BCAR1: variants seen among roughly 807,000 people sequenced by gnomAD.
BCAR1 encodes BCAR1 scaffold protein, Cas family member, also known as breast cancer anti-estrogen resistance protein 1.
Under a neutral mutation model 67.6 loss-of-function variants are expected in BCAR1, and 30 were observed. The observed-to-expected ratio is 0.44, with a 90% CI of 0.33 to 0.60. The LOEUF is 0.60. Among genes scored for constraint, BCAR1 ranks in the 20% least tolerant of loss-of-function variants. The pLI is 0.02. For synonymous variants in BCAR1, 626 were observed against 556.7 expected, an observed-to-expected ratio of 1.12 and a Z score of -1.75; for missense variants, 1,313 against 1,222.3, an observed-to-expected ratio of 1.07 and a Z score of -1.11.
At chr16:75,259,536 C>T (rs2077851421) in intron 1 of BCAR1, among the ~76,000 whole-genome samples, 1 of 152,178 alleles carries the variant, frequency 6.6e-6, no homozygotes, top group African/African-American at 2.4e-5. Flanking sequence ...ACATCCATTA[C>T]TGGAACATTA....
rs770728069 is a variant in BCAR1 at position 75,251,529 on chromosome 16, G to A, written c.-47C>T. 2.4e-6 allele frequency: 3 copies of A among 1,243,212 alleles called. No individual in the cohort carries two copies. Among genetic ancestry groups the A allele is most frequent in the African/African-American group, 3.2e-5 (2 of 63,448 alleles). 77.0% of individuals were successfully genotyped at this position (1,243,212 alleles called of 1,614,324 possible). On this transcript the variant is annotated 5_prime_UTR_variant, in exon 1 of 7. Transcript: ENST00000162330. The stretch of plus-strand genomic sequence containing the variant: ...CCCGGCTCTCGCGGGGGCGCACACC[G>A]AGCTGCCCGGGCCGCGTGCCCTCGG...
rs763140026 is a variant in BCAR1 at position 75,242,785 on chromosome 16, G to T, written c.318C>A (p.Thr106=). The change falls in exon 2 of 7, where the codon ACC becomes ACA. Residue 106 remains threonine, a synonymous_variant. Transcript: ENST00000162330. ...ASQYTPMLPN[T]YQPQPDSVYL... is the part of the protein sequence containing the mutation. ...AGACGCTGTCTGGCTGGGGCTGGTA[G>T]GTGTTGGGGAGCATGGGCGTGTACT... 6.3e-7 allele frequency: 1 copy of T among 1,598,776 alleles called. No individual in the cohort carries two copies. The highest frequency in any genetic ancestry group is 8.5e-7 in the Non-Finnish European group (1 of 1,172,412).
chr16:75,241,158 G>A (rs901638560), intron 2 of BCAR1, among the ~76,000 whole-genome samples: 1 of 152,230 alleles, frequency 6.6e-6, no homozygotes, highest in African/African-American at 2.4e-5. Context: ...CTGTGTGTGG[G>A]GTGAGTATGC....
At position 75,234,994 on chromosome 16, in the gene BCAR1, T is replaced by A; in HGVS notation, c.1905A>T (p.Arg635=). The change falls in exon 5 of 7, where the codon CGA becomes CGT. Residue 635 remains arginine, a synonymous_variant. Coordinates refer to ENST00000162330, the MANE Select transcript of BCAR1 (RefSeq NM_014567.5). ...PTDKTSSIQS[R]PLPSPPKFTS... ...TGAACTTAGGGGGTGAGGGCAGGGG[T>A]CGTGACTGGATGCTGCTGGTCTTGT... 6.2e-7 allele frequency: 1 copy of A among 1,610,330 alleles called. No individual in the cohort carries two copies. Among genetic ancestry groups the A allele is most frequent in the Non-Finnish European group, 8.5e-7 (1 of 1,177,770 alleles).
chr16:75,235,108 C>A lies in BCAR1; in HGVS notation c.1791G>T (p.Leu597=), dbSNP rs147754824. 1 of 1,611,712 alleles carries A rather than the reference C, an allele frequency of 6.2e-7. No homozygotes were observed. Among genetic ancestry groups the A allele is most frequent in the African/African-American group, 1.3e-5 (1 of 75,064 alleles). The change falls in exon 5 of 7, where the codon CTG becomes CTT. Residue 597 remains leucine (L), a synonymous_variant. Transcript: ENST00000162330. ...PEDAKQLASF[L]HGNASLLFRR... ...TGAAGAGCAGTGAGGCATTGCCGTG[C>A]AGGAAGGAGGCCAGCTGCTTGGCGT...
At chr16:75,261,931 C>T (rs1347908173) in intron 1 of BCAR1, among the ~76,000 whole-genome samples, 3 of 152,232 alleles carry the variant, frequency 2.0e-5, no homozygotes, top group Non-Finnish European at 4.4e-5. Context: ...GCTGCTGTTA[C>T]TTAATCACCC....
At chr16:75,246,761 C>T (rs943596936) in intron 1 of BCAR1, 6 of 152,420 alleles carry the variant, frequency 3.9e-5, no homozygotes, top group Non-Finnish European at 8.8e-5. Context: ...GCAGCCTCCC[C>T]CGGAACCCCT....
chr16:75,234,335 C>T (rs1159296336), intron 5 of BCAR1, among the ~76,000 whole-genome samples: 1 of 152,164 alleles, frequency 6.6e-6, no homozygotes, highest in Non-Finnish European at 1.5e-5. Flanking sequence ...AGAGACTGGG[C>T]AGAGGGTGGG....
intron 1 of BCAR1, chr16:75,263,176 T>C (rs13335245): frequency 0.15 from 147,402 of 983,244 alleles, 11,270 homozygotes; most frequent in Middle Eastern, 0.22. Context: ...CCACACTCAC[T>C]TCACAGATGG....
intron 2 of BCAR1, among the ~76,000 whole-genome samples, chr16:75,240,879 T>G (rs2077316345): frequency 6.6e-6 from 1 of 152,226 alleles, no homozygotes. Flanking sequence ...GCAGGCCCCC[T>G]GCCGGAGACG....
In BCAR1 at chr16:75,263,579, TCCCCTCC is replaced by T. The variant is rs1009880832; in HGVS notation, c.66+4329_66+4335del. 3 of 985,216 alleles carry T rather than the reference TCCCCTCC, an allele frequency of 3.0e-6. No homozygotes were observed. In the African/African-American group the frequency reaches 5.2e-5, roughly 17 times the overall value. 61.0% of individuals were successfully genotyped at this position (985,216 alleles called of 1,614,324 possible). ...GTGACACCAGCTGATCCCCGGCATC[TCCCCTCC>T]CCCAACACTCAGGGGGTCGCTACCC... On this transcript the variant is annotated intron_variant, in intron 1 of 6. Transcript: ENST00000393422.
At chr16:75,254,541 C>A (rs1403259501), upstream of BCAR1, among the ~76,000 whole-genome samples, 4 of 152,232 alleles carry the variant, frequency 2.6e-5, no homozygotes, top group African/African-American at 9.6e-5. Context: ...TAAGTCACGC[C>A]TAAGTGCAGA....
Position 75,251,472 on chromosome 16 carries a change from A to C in BCAR1, c.11T>G (p.Leu4Arg). ...CCCGGCCCCACCTGGCGCCCTCACC[A>C]GGTGGTTCATGGTGTCCGGCGGGCC... MNH[L>R]NVLAKALYDN... The change falls in exon 1 of 7, where the codon CTG becomes CGG. Residue 4 changes from leucine (L) to arginine (R), a missense_variant and splice_region_variant. Physicochemically the swap from Leu to Arg is moderately radical, Grantham distance 102 (BLOSUM62 -2). Around this residue, in one of 2 missense-constraint regions of BCAR1, gnomAD observed 41 missense variants for 84.8 expected, o/e 0.48. Transcript: ENST00000162330. 1.4e-6 allele frequency: 2 copies of C among 1,441,910 alleles called. No individual in the cohort carries two copies. Among genetic ancestry groups the C allele is most frequent in the Non-Finnish European group, 1.8e-6 (2 of 1,096,484 alleles). 89.3% of individuals were successfully genotyped at this position (1,441,910 alleles called of 1,614,324 possible). A position where few individuals can be genotyped will look rare whatever the true frequency, so the allele number is the denominator to read the frequency against.
At chr16:75,254,270 G>A (rs1391653157), upstream of BCAR1, among the ~76,000 whole-genome samples, 1 of 152,170 alleles carries the variant, frequency 6.6e-6, no homozygotes, top group Non-Finnish European at 1.5e-5. Flanking sequence ...CAGCACTCCA[G>A]GCTCAGAAAG....
chr16:75,243,362 A>T (rs1567608827), intron 1 of BCAR1: 2 of 631,292 alleles, frequency 3.2e-6, no homozygotes, highest in Non-Finnish European at 2.9e-6. Flanking sequence ...TCCAGGGATG[A>T]CCCTCAAGAT....
intron 1 of BCAR1, among the ~76,000 whole-genome samples, chr16:75,259,211 G>A (rs1196148731): frequency 6.6e-6 from 1 of 152,230 alleles, no homozygotes; most frequent in Non-Finnish European, 1.5e-5. Flanking sequence ...AAGCAACTTT[G>A]GTAGATCCAG....
chr16:75,250,466 T>C (rs1436306179), intron 1 of BCAR1, among the ~76,000 whole-genome samples: 2 of 152,200 alleles, frequency 1.3e-5, no homozygotes, highest in Non-Finnish European at 2.9e-5. Flanking sequence ...CCCATGGTCA[T>C]TCTGAGAAGG....
chr16:75,235,990 G>C lies in BCAR1; in HGVS notation c.913-4C>G. The C allele has an allele frequency of 6.4e-7, 1 of 1,564,896 alleles. No homozygotes were observed. The highest frequency in any genetic ancestry group is 8.7e-7 in the Non-Finnish European group (1 of 1,154,548). ...CCGATGGAGGAACGTCGTAGACCTG[G>C]GGGACAAGCGGTGGTCAAGACTGTC... On this transcript the variant is annotated splice_polypyrimidine_tract_variant and splice_region_variant and intron_variant, in intron 4 of 6. Coordinates refer to ENST00000162330, the MANE Select transcript of BCAR1 (RefSeq NM_014567.5).
At chr16:75,237,704 A>G (rs2077190120) in intron 2 of BCAR1, among the ~76,000 whole-genome samples, 1 of 152,162 alleles carries the variant, frequency 6.6e-6, no homozygotes, top group South Asian at 2.1e-4. Context: ...CACTACCCAC[A>G]GGCAAGGAAC....
Sources: allele counts gnomAD v4.1 joint callset (sites outside exome capture counted in the v4.1 genomes callset), GRCh38; gene constraint gnomAD v4.1.1; regional missense constraint gnomAD v4.1.1; transcripts MANE v1.5; gene names NCBI Gene and HGNC (gene_info 2026-07-23, HGNC 2026-07-21).